The following INVS variants were observed in gnomAD, a reference collection of about 807,000 sequenced individuals.
INVS encodes the protein inversion of embryo turning homolog.
In INVS, 86 loss-of-function variants were observed where a neutral mutation model predicts 108.8. The ratio of observed to expected loss-of-function variants is 0.79; its 90% confidence interval spans 0.66 to 0.95. INVS has a LOEUF of 0.95. INVS is among the 40% of genes least tolerant of loss of function. The pLI, the probability that INVS is intolerant of heterozygous loss-of-function variation, is 0.00. For missense variants in INVS, 1,169 were observed against 1,297.4 expected (o/e 0.90, Z 1.52); for synonymous variants, 455 against 473.5 (o/e 0.96, Z 0.51).
At chr9:100,290,541 A>G (rs1427966895) in intron 13 of INVS, among the ~76,000 whole-genome samples, 1 of 152,000 alleles carries the variant, frequency 6.6e-6, no homozygotes, top group Non-Finnish European at 1.5e-5. Context: ...TAGTAGAGAC[A>G]GGGTTTCTCC....
chr9:100,162,771 G>T (rs1829230646), intron 3 of INVS, among the ~76,000 whole-genome samples: 1 of 151,498 alleles, frequency 6.6e-6, no homozygotes, highest in African/African-American at 2.4e-5. Flanking sequence ...AGGTTGCAGT[G>T]AGCCGAGATC....
intron 3 of INVS, among the ~76,000 whole-genome samples, chr9:100,153,824 A>G (rs147655388): frequency 1.5e-3 from 228 of 152,362 alleles, no homozygotes; most frequent in Non-Finnish European, 2.8e-3. Context: ...CACTTATATC[A>G]GGAACCTACT....
chr9:100,267,168 A>G (rs1278045616), intron 11 of INVS, among the ~76,000 whole-genome samples: 2 of 152,106 alleles, frequency 1.3e-5, no homozygotes, highest in Admixed American at 6.6e-5. Context: ...TTTTAACTCA[A>G]TTTCCATTTA....
intron 3 of INVS, among the ~76,000 whole-genome samples, chr9:100,203,501 CTTTT>C (rs34618293): frequency 8.1e-6 from 1 of 123,128 alleles, no homozygotes. Context: ...CCAAAGCTTC[CTTTT>C]TTTTTTTTTT....
chr9:100,133,244 C>T (rs1430366888), intron 3 of INVS, among the ~76,000 whole-genome samples: 1 of 152,124 alleles, frequency 6.6e-6, no homozygotes, highest in Non-Finnish European at 1.5e-5. Flanking sequence ...TGAAGTCTTC[C>T]ATTTATCTTC....
intron 8 of INVS, among the ~76,000 whole-genome samples, chr9:100,251,091 T>C (rs1832218694): frequency 1.3e-5 from 2 of 152,266 alleles, no homozygotes; most frequent in African/African-American, 4.8e-5. Flanking sequence ...CATATCAAAA[T>C]AGTTTTTATT....
chr9:100,245,400 C>T (rs1396348401), intron 7 of INVS, among the ~76,000 whole-genome samples: 1 of 152,154 alleles, frequency 6.6e-6, no homozygotes. Context: ...CTGCCTCAAC[C>T]TCCCGAGTAG....
intron 3 of INVS, among the ~76,000 whole-genome samples, chr9:100,201,865 C>T (rs184991920): frequency 5.3e-5 from 8 of 152,284 alleles, no homozygotes; most frequent in Admixed American, 2.6e-4. Flanking sequence ...CACTATGGTT[C>T]TAGCTGCAAG....
intron 16 of INVS, among the ~76,000 whole-genome samples, chr9:100,298,816 G>T (rs1206570773): frequency 6.6e-6 from 1 of 152,108 alleles, no homozygotes; most frequent in Non-Finnish European, 1.5e-5. Context: ...GCTGATCAGG[G>T]AGTGGTGGGT....
At chr9:100,126,310 C>G in intron 2 of INVS, 73 bp from the exon 3 acceptor site, 1 of 1,189,430 alleles carries the variant, frequency 8.4e-7, no homozygotes, top group East Asian at 2.5e-5. Context: ...TGATAATAAA[C>G]AGCGAATATA....
rs566679595 is a variant in INVS at position 100,273,828 on chromosome 9, G to A, written c.1784+752G>A. Among the ~76,000 whole-genome samples the A allele has an allele frequency of 1.3e-4, 20 of 151,752 alleles. No individual in the cohort carries two copies. In the East Asian group the frequency reaches 2.0e-3, roughly 15 times the overall value. On this transcript the variant is annotated intron_variant, in intron 12 of 16. Coordinates refer to ENST00000262457, the MANE Select transcript of INVS (RefSeq NM_014425.5). ...GCTGGGATTACAGGCATAAGCCACC[G>A]CACCCAGCTTTCCTTCACCCATTTC...
intron 16 of INVS, chr9:100,298,420 C>A: frequency 1.4e-6 from 1 of 737,082 alleles, no homozygotes; most frequent in Non-Finnish European, 1.7e-6. Flanking sequence ...GCATGTACAG[C>A]CCAGGCTCAG....
At chr9:100,298,080 A>G (rs1481302912) in intron 16 of INVS, 70 bp downstream of exon 16, 5 of 1,611,334 alleles carry the variant, frequency 3.1e-6, no homozygotes, top group East Asian at 2.2e-5. Context: ...TTTCATCCCC[A>G]AAGACAGAAG....
At chr9:100,125,722 G>A (rs1468563867) in intron 2 of INVS, among the ~76,000 whole-genome samples, 2 of 130,296 alleles carry the variant, frequency 1.5e-5, no homozygotes, top group Non-Finnish European at 3.1e-5. Flanking sequence ...TTTTACTCTC[G>A]TTGTCCAGGC....
chr9:100,226,153 C>T lies in INVS; in HGVS notation c.365C>T (p.Thr122Ile). ...LEEMTPLHLTTRHRSPKCLAL... is the reference protein window; with the variant it reads ...LEEMTPLHLTIRHRSPKCLAL... ...GAGATGACTCCTTTGCACTTGACCA[C>T]CCGGCACAGGAGCCCTAAGTGTTTG... The change falls in exon 4 of 17, where the codon ACC becomes ATC. Residue 122 changes from threonine to isoleucine, a missense_variant. Around this residue, in one of 3 missense-constraint regions of INVS, gnomAD observed 365 missense variants for 397.5 expected, o/e 0.92. Transcript: ENST00000262457. 6.2e-7 allele frequency: 1 copy of T among 1,613,990 alleles called. No individual in the cohort carries two copies. Among genetic ancestry groups the T allele is most frequent in the Non-Finnish European group, 8.5e-7 (1 of 1,179,936 alleles).
At chr9:100,295,610 G>A (rs1833768015) in intron 14 of INVS, among the ~76,000 whole-genome samples, 1 of 152,164 alleles carries the variant, frequency 6.6e-6, no homozygotes, top group African/African-American at 2.4e-5. Flanking sequence ...TGGAGAAAAG[G>A]AGCTGGAAAA....
At chr9:100,112,551 G>A (rs987607161) in intron 2 of INVS, among the ~76,000 whole-genome samples, 9 of 151,974 alleles carry the variant, frequency 5.9e-5, no homozygotes. Context: ...TGACCCTGAG[G>A]AGCCTAATCA....
chr9:100,125,631 A>G (rs965602470), intron 2 of INVS, among the ~76,000 whole-genome samples: 7 of 149,096 alleles, frequency 4.7e-5, no homozygotes, highest in Non-Finnish European at 8.9e-5. Context: ...TGAGGATGCT[A>G]TGTACTTGCT....
At position 100,296,980 on chromosome 9, in the gene INVS, G is replaced by T. The variant is rs765818859; in HGVS notation, c.2850G>T (p.Val950=). The change falls in exon 15 of 17, where the codon GTG becomes GTT. Residue 950 remains valine (V), a synonymous_variant. Transcript: ENST00000262457. ...TGAAGCAGCTTGGAGCTGGAGATGT[G>T]GACAGATGGAGGCAAGAGTCTACAG... ...RHMKQLGAGD[V]DRWRQESTAL... 2.8e-5 allele frequency: 45 copies of T among 1,613,916 alleles called. No individual in the cohort carries two copies. The highest frequency in any genetic ancestry group is 3.8e-5 in the Non-Finnish European group (45 of 1,179,998).
Sources: gnomAD v4.1 joint callset for allele counts (sites outside exome capture counted in the v4.1 genomes callset) on GRCh38, gnomAD v4.1.1 for gene constraint, gnomAD v4.1.1 regional missense constraint, MANE v1.5 for transcripts, NCBI Gene and HGNC (gene_info 2026-07-23, HGNC 2026-07-21) for gene names.